PCED1B: variants seen among roughly 807,000 people sequenced by gnomAD.
The protein encoded by PCED1B is PC-esterase domain-containing protein 1B.
For synonymous variants in PCED1B, 251 were observed against 246.1 expected, an observed-to-expected ratio of 1.02 and a Z score of -0.19; for missense variants, 573 against 573.9, an observed-to-expected ratio of 1.00 and a Z score of 0.02.
At chr12:47,154,903 C>T (rs930813349) in intron 2 of PCED1B, among the ~76,000 whole-genome samples, 1 of 151,818 alleles carries the variant, frequency 6.6e-6, no homozygotes, top group Non-Finnish European at 1.5e-5. Context: ...TTGCCTGGTT[C>T]CATTTAGAAA....
At chr12:47,106,388 T>C (rs1938947762) in intron 2 of PCED1B, among the ~76,000 whole-genome samples, 2 of 152,128 alleles carry the variant, frequency 1.3e-5, no homozygotes, top group African/African-American at 4.8e-5. Context: ...AATCTTTGTG[T>C]TGAAGACACC....
intron 2 of PCED1B, among the ~76,000 whole-genome samples, chr12:47,119,828 G>A (rs1939596589): frequency 6.6e-6 from 1 of 152,020 alleles, no homozygotes; most frequent in Non-Finnish European, 1.5e-5. Flanking sequence ...AGCCAGGCAT[G>A]GTGGCAGGTG....
At chr12:47,196,498 A>G (rs1942605669) in intron 2 of PCED1B, among the ~76,000 whole-genome samples, 1 of 152,256 alleles carries the variant, frequency 6.6e-6, no homozygotes, top group Admixed American at 6.5e-5. Flanking sequence ...TAGCAAAGGA[A>G]GAAACAATTT....
chr12:47,127,153 G>A (rs1939920775), intron 2 of PCED1B, among the ~76,000 whole-genome samples: 1 of 151,998 alleles, frequency 6.6e-6, no homozygotes, highest in Non-Finnish European at 1.5e-5. Flanking sequence ...ACTATAAACT[G>A]TCCTTTATGA....
Position 47,145,684 on chromosome 12 carries a change from T to C in PCED1B, c.-526+41489T>C, listed in dbSNP as rs546132861. Among the ~76,000 whole-genome samples the C allele has an allele frequency of 7.2e-5, 11 of 152,314 alleles. No individual in the cohort carries two copies. The South Asian group carries it at 2.3e-3, about 32-fold the overall frequency. On this transcript the variant is annotated intron_variant, in intron 2 of 3. Coordinates refer to ENST00000546455, the MANE Select transcript of PCED1B (RefSeq NM_138371.3). The stretch of plus-strand genomic sequence containing the variant: ...GGAACAAACCCTGGATAACAACATA[T>C]CTATTTACAACAAGGTTTACTGAAT...
intron 2 of PCED1B, among the ~76,000 whole-genome samples, chr12:47,175,755 A>G (rs190539136): frequency 2.3e-4 from 35 of 152,050 alleles, no homozygotes; most frequent in Non-Finnish European, 4.6e-4. Flanking sequence ...GTATATTAGT[A>G]GAGATAGGGT....
intron 2 of PCED1B, among the ~76,000 whole-genome samples, chr12:47,108,162 C>T (rs1008845625): frequency 6.6e-6 from 1 of 152,102 alleles, no homozygotes; most frequent in African/African-American, 2.4e-5. Flanking sequence ...CAGATAGACA[C>T]AGGTGAGTAA....
At chr12:47,119,645 A>G (rs1939586583) in intron 2 of PCED1B, among the ~76,000 whole-genome samples, 1 of 152,036 alleles carries the variant, frequency 6.6e-6, no homozygotes, top group Non-Finnish European at 1.5e-5. Context: ...CTGGCAAGAG[A>G]CTTATGTCCA....
At chr12:47,177,243 A>G (rs1941951451) in intron 2 of PCED1B, among the ~76,000 whole-genome samples, 1 of 152,242 alleles carries the variant, frequency 6.6e-6, no homozygotes, top group Non-Finnish European at 1.5e-5. Context: ...AACTAATCCC[A>G]AGCACTGGAA....
At chr12:47,157,268 T>A (rs1196621958) in intron 2 of PCED1B, among the ~76,000 whole-genome samples, 1 of 152,122 alleles carries the variant, frequency 6.6e-6, no homozygotes, top group African/African-American at 2.4e-5. Flanking sequence ...TTGGTGAAAA[T>A]TTGGAATATA....
At chr12:47,127,529 A>T (rs899163932) in intron 2 of PCED1B, among the ~76,000 whole-genome samples, 1 of 141,202 alleles carries the variant, frequency 7.1e-6, no homozygotes, top group South Asian at 2.2e-4. Context: ...CCACCCGGTT[A>T]ATTTTTTGTA....
At chr12:47,178,017 T>G (rs1170015260) in intron 2 of PCED1B, among the ~76,000 whole-genome samples, 1 of 152,070 alleles carries the variant, frequency 6.6e-6, no homozygotes, top group Non-Finnish European at 1.5e-5. Context: ...CTTGGGAGAC[T>G]TTAAGGTTCT....
intron 2 of PCED1B, among the ~76,000 whole-genome samples, chr12:47,142,563 A>G (rs1211291181): frequency 6.6e-6 from 1 of 152,174 alleles, no homozygotes; most frequent in Non-Finnish European, 1.5e-5. Context: ...ACACAAACAA[A>G]TGCAATCATG....
chr12:47,088,068 G>A (rs1938073977), intron 1 of PCED1B, among the ~76,000 whole-genome samples: 1 of 152,188 alleles, frequency 6.6e-6, no homozygotes, highest in Admixed American at 6.5e-5. Flanking sequence ...TTGTAAGATG[G>A]AAACGCAGTA....
intron 2 of PCED1B, chr12:47,209,029 T>C (rs1424643828): frequency 6.6e-6 from 1 of 152,226 alleles, no homozygotes; most frequent in African/African-American, 2.4e-5. Flanking sequence ...TACATCACCC[T>C]TCTCTATGTG....
intron 2 of PCED1B, among the ~76,000 whole-genome samples, chr12:47,114,219 A>C (rs1486744494): frequency 6.6e-6 from 1 of 152,176 alleles, no homozygotes; most frequent in African/African-American, 2.4e-5. Flanking sequence ...TTAGAGGCTT[A>C]TCTTTTACAC....
intron 3 of PCED1B, among the ~76,000 whole-genome samples, chr12:47,227,120 T>G (rs1943654020): frequency 6.6e-6 from 1 of 152,100 alleles, no homozygotes; most frequent in Admixed American, 6.6e-5. Context: ...GAACTTCATT[T>G]CCATTTCAGG....
At chr12:47,167,822 T>A (rs1285223156) in intron 2 of PCED1B, among the ~76,000 whole-genome samples, 1 of 152,188 alleles carries the variant, frequency 6.6e-6, no homozygotes, top group Non-Finnish European at 1.5e-5. Flanking sequence ...ATGGGCCTTC[T>A]AGCTCAAAAG....
At chr12:47,211,882 C>T (rs1263902497) in intron 2 of PCED1B, among the ~76,000 whole-genome samples, 1 of 150,990 alleles carries the variant, frequency 6.6e-6, no homozygotes. Context: ...GAGACCATCC[C>T]GGCTAAAACG....
Sources: gnomAD v4.1 joint callset for allele counts (sites outside exome capture counted in the v4.1 genomes callset) on GRCh38, gnomAD v4.1.1 for gene constraint, MANE v1.5 for transcripts, NCBI Gene and HGNC (gene_info 2026-07-23, HGNC 2026-07-21) for gene names.